The following C2orf42 variants were observed in gnomAD, a reference collection of about 807,000 sequenced individuals.
C2orf42 encodes the protein chromosome 2 open reading frame 42.
In C2orf42, 44 loss-of-function variants were observed where a neutral mutation model predicts 58.9. The ratio of observed to expected loss-of-function variants is 0.75; its 90% CI spans 0.59 to 0.96. The LOEUF is 0.96. Among genes scored for constraint, C2orf42 ranks in the 40% least tolerant of loss-of-function variants. The pLI is 0.00. For missense variants in C2orf42, 630 were observed against 699.2 expected (o/e 0.90, Z 1.12); for synonymous variants, 239 against 265.4 (o/e 0.90, Z 0.97).
intron 1 of C2orf42, among the ~76,000 whole-genome samples, chr2:70,186,531 A>G (rs1040721829): frequency 2.0e-5 from 3 of 152,348 alleles, no homozygotes; most frequent in East Asian, 3.9e-4. Context: ...TAGTTCAACC[A>G]TTGTGGAAGT....
intron 8 of C2orf42, among the ~76,000 whole-genome samples, chr2:70,163,958 C>T (rs1046102250): frequency 6.6e-6 from 1 of 151,600 alleles, no homozygotes; most frequent in East Asian, 1.9e-4. Context: ...CTGCTTGAAC[C>T]CAGGAATTTG....
At chr2:70,188,470 G>A (rs1012785221) in intron 1 of C2orf42, among the ~76,000 whole-genome samples, 32 of 152,322 alleles carry the variant, frequency 2.1e-4, no homozygotes, top group African/African-American at 5.5e-4. Flanking sequence ...GATTACAGGC[G>A]TGAGCCGCTA....
intron 1 of C2orf42, among the ~76,000 whole-genome samples, chr2:70,186,428 T>C (rs931196938): frequency 7.2e-5 from 11 of 152,106 alleles, no homozygotes; most frequent in Non-Finnish European, 1.2e-4. Context: ...AAAAAACCTT[T>C]CTGTCATATC....
rs370565727 is a variant in C2orf42 at position 70,150,000 on chromosome 2, T to G, written c.*356A>C. 27 of 301,748 alleles carry G rather than the reference T, an allele frequency of 8.9e-5. No homozygotes were observed. Among genetic ancestry groups the G allele is most frequent in the Middle Eastern group, 1.2e-3 (1 of 860 alleles). 18.7% of individuals were successfully genotyped at this position (301,748 alleles called of 1,614,324 possible). ...AACCAGGGTGTTAACTTTCCAACAC[T>G]GTTGGTGTATGGCTGAGTGCTGCAG... On this transcript the variant is annotated 3_prime_UTR_variant, in exon 10 of 10. Transcript: ENST00000264434.
chr2:70,165,700 G>C (rs1673355445), intron 6 of C2orf42, 65 bp from the exon 7 acceptor site: 1 of 856,626 alleles, frequency 1.2e-6, no homozygotes, highest in Non-Finnish European at 2.0e-6. Context: ...TGTACAGGGA[G>C]AGGTGAAAGA....
At chr2:70,150,837 C>T (rs963155477) in intron 9 of C2orf42, among the ~76,000 whole-genome samples, 1 of 152,186 alleles carries the variant, frequency 6.6e-6, no homozygotes, top group African/African-American at 2.4e-5. Flanking sequence ...CCTTTGCCTC[C>T]CGGGTTCAAG....
At chr2:70,160,362 A>C (rs1672976479) in intron 9 of C2orf42, among the ~76,000 whole-genome samples, 1 of 152,110 alleles carries the variant, frequency 6.6e-6, no homozygotes, top group African/African-American at 2.4e-5. Flanking sequence ...GGCTGGTCTC[A>C]AAACTCCTAA....
chr2:70,167,073 T>C (rs1453808976), intron 6 of C2orf42, among the ~76,000 whole-genome samples: 1 of 151,972 alleles, frequency 6.6e-6, no homozygotes, highest in Non-Finnish European at 1.5e-5. Context: ...TTAAAGAACC[T>C]TGCGGCCAGG....
At chr2:70,167,893 G>A (rs1406631820) in intron 6 of C2orf42, among the ~76,000 whole-genome samples, 1 of 152,014 alleles carries the variant, frequency 6.6e-6, no homozygotes, top group East Asian at 1.9e-4. Context: ...GGAATAGGAT[G>A]GGATGGAAGA....
chr2:70,154,072 C>A (rs4853356), intron 9 of C2orf42, among the ~76,000 whole-genome samples: 4,386 of 139,930 alleles, frequency 0.031, 307 homozygotes, highest in Admixed American at 0.16. Flanking sequence ...AACAAACAAA[C>A]AAAAAAAAAA....
At chr2:70,182,168 C>T (rs1022773011) in intron 2 of C2orf42, among the ~76,000 whole-genome samples, 171 bp from the exon 3 acceptor site, 4 of 152,010 alleles carry the variant, frequency 2.6e-5, no homozygotes, top group African/African-American at 4.8e-5. Flanking sequence ...GGCGCGATCT[C>T]GGCTCACTGC....
chr2:70,172,882 G>C (rs1673920634), intron 5 of C2orf42, among the ~76,000 whole-genome samples: 1 of 151,784 alleles, frequency 6.6e-6, no homozygotes, highest in Admixed American at 6.6e-5. Flanking sequence ...TTAAAAATCA[G>C]CCAAGCACAG....
chr2:70,156,169 T>C (rs1371453654), intron 9 of C2orf42, among the ~76,000 whole-genome samples: 2 of 151,750 alleles, frequency 1.3e-5, no homozygotes, highest in African/African-American at 4.8e-5. Context: ...AAAAAAAGAA[T>C]ATGGTATCAC....
intron 8 of C2orf42, among the ~76,000 whole-genome samples, chr2:70,164,843 T>C (rs1294319381): frequency 6.6e-6 from 1 of 152,148 alleles, no homozygotes; most frequent in Non-Finnish European, 1.5e-5. Context: ...AGAAAAATTA[T>C]GTTTTTTTAA....
chr2:70,174,920 C>T (rs1029955305), intron 5 of C2orf42, among the ~76,000 whole-genome samples: 2 of 152,038 alleles, frequency 1.3e-5, no homozygotes, highest in African/African-American at 4.8e-5. Flanking sequence ...GATCTGCCTG[C>T]CTCAGTCTCC....
intron 5 of C2orf42, among the ~76,000 whole-genome samples, chr2:70,175,377 G>A (rs1168888258): frequency 6.6e-6 from 1 of 152,138 alleles, no homozygotes; most frequent in Non-Finnish European, 1.5e-5. Context: ...CCCAGTGTGT[G>A]TTGCTCCCCT....
chr2:70,165,731 A>G (rs748785887), intron 6 of C2orf42, 96 bp from the exon 7 acceptor site: 1 of 697,078 alleles, frequency 1.4e-6, no homozygotes, highest in Non-Finnish European at 2.6e-6. Flanking sequence ...AGGGACGGTA[A>G]TAACTAAAAA....
At position 70,181,588 on chromosome 2, in the gene C2orf42, C is replaced by T. The variant is rs775759534; in HGVS notation, c.398G>A (p.Cys133Tyr). ...GTTCACCGCCAGCTTGATGTGCTGG[C>T]ACTGGTTTTCCACAACGCCTTGAGT... ...AATQGVVENQ[C>Y]QHIKLAVNCQ... is the part of the protein sequence containing the mutation. The change falls in exon 3 of 10, where the codon TGC (cysteine) becomes TAC (tyrosine). Residue 133 changes from cysteine (C) to tyrosine (Y), a missense_variant. By Grantham distance (194) the Cys-to-Tyr change is radical (BLOSUM62 -2). Coordinates refer to ENST00000264434, the MANE Select transcript of C2orf42 (RefSeq NM_017880.3). The T allele has an allele frequency of 6.2e-7, 1 of 1,614,118 alleles. No homozygotes were observed. The highest frequency in any genetic ancestry group is 8.5e-7 in the Non-Finnish European group (1 of 1,180,028).
At chr2:70,159,952 T>C (rs529281204) in intron 9 of C2orf42, among the ~76,000 whole-genome samples, 19 of 152,292 alleles carry the variant, frequency 1.2e-4, no homozygotes, top group Non-Finnish European at 2.2e-4. Flanking sequence ...GGATAGATAT[T>C]TCATTCACAA....
Sources: allele counts gnomAD v4.1 joint callset (sites outside exome capture counted in the v4.1 genomes callset), GRCh38; gene constraint gnomAD v4.1.1; transcripts MANE v1.5; gene names NCBI Gene and HGNC (gene_info 2026-07-23, HGNC 2026-07-21).